GPM6A: variants seen among roughly 807,000 people sequenced by gnomAD.
GPM6A encodes glycoprotein M6A, also known as neuronal membrane glycoprotein M6-a.
Under a neutral mutation model 32.1 loss-of-function variants are expected in GPM6A, and 7 were observed. The observed-to-expected ratio is 0.22, with a 90% CI of 0.12 to 0.41. The LOEUF is 0.41. GPM6A is among the 10% of genes least tolerant of loss of function. GPM6A has a pLI of 1.00. For missense variants in GPM6A, 235 were observed against 347.2 expected (o/e 0.68, Z 2.57); for synonymous variants, 130 against 123.4 (o/e 1.05, Z -0.35).
chr4:175,832,039 G>A (rs1212333233), intron 1 of GPM6A, among the ~76,000 whole-genome samples: 1 of 151,998 alleles, frequency 6.6e-6, no homozygotes, highest in Middle Eastern at 3.4e-3. Flanking sequence ...AATTCTACTT[G>A]ACTTCTTAAT....
At chr4:175,812,340 TCCTG>T, upstream of GPM6A, 2 of 1,282,174 alleles carry the variant, frequency 1.6e-6, no homozygotes, top group East Asian at 2.9e-5. Flanking sequence ...TTTTTTTTTT[TCCTG>T]GGAAGCTCCA....
intron 1 of GPM6A, among the ~76,000 whole-genome samples, chr4:175,931,842 TGGGA>T (rs922911503): frequency 3.3e-5 from 5 of 151,996 alleles, no homozygotes; most frequent in Non-Finnish European, 7.4e-5. Flanking sequence ...CCCAGCATTT[TGGGA>T]GGCCAAGATG....
chr4:175,974,229 C>CTAAAAAAA (rs1740592009), intron 1 of GPM6A, among the ~76,000 whole-genome samples: 1 of 151,824 alleles, frequency 6.6e-6, no homozygotes, highest in African/African-American at 2.4e-5. Flanking sequence ...GACTTTGTCT[C>CTAAAAAAA]TAAATAAATA....
chr4:175,847,452 C>T (rs935756660), intron 1 of GPM6A, among the ~76,000 whole-genome samples: 1 of 152,156 alleles, frequency 6.6e-6, no homozygotes, highest in African/African-American at 2.4e-5. Flanking sequence ...CTGCCTAGGA[C>T]GTGCCTCCCC....
intron 1 of GPM6A, among the ~76,000 whole-genome samples, chr4:175,940,646 G>A (rs1037015398): frequency 2.7e-5 from 4 of 148,850 alleles, no homozygotes; most frequent in South Asian, 2.2e-4. Context: ...TCACTCTGTC[G>A]CCCAGGCTGG....
chr4:175,998,732 T>C (rs1397768539), intron 1 of GPM6A, among the ~76,000 whole-genome samples: 1 of 152,192 alleles, frequency 6.6e-6, no homozygotes, highest in Non-Finnish European at 1.5e-5. Context: ...ATTATTATCA[T>C]ATCATATATA....
At chr4:175,884,079 T>C (rs1737366625) in intron 1 of GPM6A, among the ~76,000 whole-genome samples, 1 of 152,216 alleles carries the variant, frequency 6.6e-6, no homozygotes, top group Non-Finnish European at 1.5e-5. Flanking sequence ...TTTAAATTCA[T>C]GTGTAGAGCA....
chr4:175,636,512 G>A (rs531113762), intron 6 of GPM6A, among the ~76,000 whole-genome samples: 148 of 150,644 alleles, frequency 9.8e-4, no homozygotes, highest in Admixed American at 4.5e-3. Context: ...ATGTATAATT[G>A]AGGCCAGGTG....
intron 1 of GPM6A, among the ~76,000 whole-genome samples, chr4:175,959,969 T>A (rs1316013449): frequency 6.6e-6 from 1 of 152,272 alleles, no homozygotes; most frequent in Non-Finnish European, 1.5e-5. Context: ...AATAACCCTA[T>A]GAGAAAGAAA....
chr4:175,895,528 A>C (rs1157373252), intron 1 of GPM6A, among the ~76,000 whole-genome samples: 2 of 152,184 alleles, frequency 1.3e-5, no homozygotes, highest in African/African-American at 4.8e-5. Flanking sequence ...GATGAGGAAA[A>C]ATAATATCTA....
At chr4:175,798,485 C>T (rs937516133) in intron 1 of GPM6A, among the ~76,000 whole-genome samples, 2 of 152,098 alleles carry the variant, frequency 1.3e-5, no homozygotes, top group African/African-American at 4.8e-5. Flanking sequence ...AGCTAGGTTA[C>T]GGAATGAGGA....
intron 1 of GPM6A, among the ~76,000 whole-genome samples, chr4:175,737,990 T>A (rs1371958427): frequency 6.7e-6 from 1 of 149,810 alleles, no homozygotes; most frequent in Non-Finnish European, 1.5e-5. Context: ...CAGGCTGGAG[T>A]GCAATGGTGC....
At chr4:175,863,982 C>T (rs909765099) in intron 1 of GPM6A, among the ~76,000 whole-genome samples, 1 of 151,780 alleles carries the variant, frequency 6.6e-6, no homozygotes, top group Non-Finnish European at 1.5e-5. Flanking sequence ...GCCTGGACAA[C>T]AGAGAGAGAC....
chr4:175,959,626 C>T (rs1338063170), intron 1 of GPM6A, among the ~76,000 whole-genome samples: 1 of 152,164 alleles, frequency 6.6e-6, no homozygotes, highest in Non-Finnish European at 1.5e-5. Flanking sequence ...TAAGACTAGG[C>T]TTTGCTACTC....
At chr4:175,680,512 T>G (rs1743622827) in intron 2 of GPM6A, among the ~76,000 whole-genome samples, 1 of 152,192 alleles carries the variant, frequency 6.6e-6, no homozygotes, top group Admixed American at 6.5e-5. Context: ...CTAAGTTACA[T>G]GGATTAGTGT....
At chr4:175,930,836 C>A (rs1165320845) in intron 1 of GPM6A, among the ~76,000 whole-genome samples, 1 of 151,978 alleles carries the variant, frequency 6.6e-6, no homozygotes, top group African/African-American at 2.4e-5. Context: ...ATTATTAAAT[C>A]ATTGACATTT....
At chr4:175,710,597 C>T (rs1160937569) in intron 1 of GPM6A, among the ~76,000 whole-genome samples, 2 of 152,048 alleles carry the variant, frequency 1.3e-5, no homozygotes, top group East Asian at 1.9e-4. Context: ...TAGTGACTTC[C>T]TTTAAATTAA....
At chr4:175,765,974 C>A (rs1378788999) in intron 1 of GPM6A, among the ~76,000 whole-genome samples, 1 of 152,156 alleles carries the variant, frequency 6.6e-6, no homozygotes, top group Non-Finnish European at 1.5e-5. Context: ...TCCAAATCAC[C>A]TTCCAATACA....
chr4:175,813,676 T>C (rs1735013894), upstream of GPM6A, among the ~76,000 whole-genome samples: 1 of 152,186 alleles, frequency 6.6e-6, no homozygotes, highest in Non-Finnish European at 1.5e-5. Flanking sequence ...CATACGTTTC[T>C]TGCATTATAG....
Sources: allele counts gnomAD v4.1 joint callset (sites outside exome capture counted in the v4.1 genomes callset), GRCh38; gene constraint gnomAD v4.1.1; transcripts MANE v1.5; gene names NCBI Gene and HGNC (gene_info 2026-07-23, HGNC 2026-07-21).